The following OLAH variants were observed in gnomAD, a reference collection of about 807,000 sequenced individuals.
The protein encoded by OLAH is S-acyl fatty acid synthase thioesterase, medium chain.
OLAH carries 33 observed loss-of-function variants against 27.8 expected under a neutral mutation model. The observed-to-expected ratio is 1.19, with a 90% CI of 0.90 to 1.59. The LOEUF (loss-of-function observed/expected upper bound fraction) is 1.59, where lower values mean the gene tolerates loss of function less well. OLAH is among the 40% of genes most tolerant of loss of function. The pLI is 0.00. For synonymous variants in OLAH, 120 were observed against 102.9 expected (o/e 1.17, Z -1.01); for missense variants, 359 against 310.8 (o/e 1.16, Z -1.17).
At chr10:15,044,657 G>C (rs917872863) in intron 1 of OLAH, among the ~76,000 whole-genome samples, 7 of 151,828 alleles carry the variant, frequency 4.6e-5, no homozygotes, top group Admixed American at 6.6e-5. Context: ...GTTTTTACTT[G>C]TCTGAAAATG....
intron 2 of OLAH, among the ~76,000 whole-genome samples, chr10:15,047,711 T>A (rs1844049132): frequency 1.3e-5 from 2 of 151,978 alleles, no homozygotes; most frequent in African/African-American, 4.8e-5. Flanking sequence ...TCAAAAAAAA[T>A]AAAAATTAGT....
At chr10:15,041,491 T>C (rs1205128070), upstream of OLAH, among the ~76,000 whole-genome samples, 1 of 152,044 alleles carries the variant, frequency 6.6e-6, no homozygotes, top group African/African-American at 2.4e-5. Flanking sequence ...TTGGTCAGGC[T>C]GGTCTCAAAC....
intron 3 of OLAH, among the ~76,000 whole-genome samples, chr10:15,055,867 G>A (rs1375546836): frequency 1.2e-5 from 1 of 86,558 alleles, no homozygotes; most frequent in African/African-American, 4.7e-5. Flanking sequence ...TTTTTTTTTT[G>A]GAGACAGAGT....
At chr10:15,035,747 C>A (rs893961777) in intron 1 of OLAH, among the ~76,000 whole-genome samples, 7 of 152,160 alleles carry the variant, frequency 4.6e-5, no homozygotes, top group African/African-American at 1.4e-4. Context: ...CATGGGGAAG[C>A]ACAGAGGTAG....
Position 15,061,874 on chromosome 10 carries a change from C to T in OLAH, c.302+12C>T, listed in dbSNP as rs371302185. 5.6e-6 allele frequency: 9 copies of T among 1,610,794 alleles called. No individual in the cohort carries two copies. The highest frequency in any genetic ancestry group is 7.6e-6 in the Non-Finnish European group (9 of 1,178,820). On this transcript the variant is annotated intron_variant, in intron 4 of 7. Transcript: ENST00000378228. ...TTTTTTGGCCACAGGTATTTGATAT[C>T]TGTTTTAAAAGACTTCAGGGGAGTT... is the stretch of plus-strand genomic sequence containing the variant.
chr10:15,039,485 G>C (rs1810762), upstream of OLAH, among the ~76,000 whole-genome samples: 40,489 of 152,122 alleles, frequency 0.27, 6,042 homozygotes, highest in East Asian at 0.5. Context: ...GCTGAGGCAG[G>C]AGAATCACTT....
Position 15,073,297 on chromosome 10 carries a change from C to A in OLAH, c.*68C>A. Reference sequence around the variant, plus strand: ...ACTCTTCTCAGTTATTCAGATATAGCTCAGTTTTATTCAGATTGGAAATTA... The same window carrying A: ...ACTCTTCTCAGTTATTCAGATATAGATCAGTTTTATTCAGATTGGAAATTA... On this transcript the variant is annotated 3_prime_UTR_variant, in exon 8 of 8. Transcript: ENST00000378228. The A allele has an allele frequency of 1.9e-6, 2 of 1,059,966 alleles. No individual in the cohort carries two copies. Among genetic ancestry groups the A allele is most frequent in the South Asian group, 1.5e-5 (1 of 66,078 alleles). The allele number at this position is 1,059,966 out of a possible 1,614,324, so 65.7% of individuals were successfully genotyped here.
In OLAH at chr10:15,057,020, C is replaced by T. The variant is rs562333515; in HGVS notation, c.164-4704C>T. On this transcript the variant is annotated intron_variant, in intron 3 of 7. Coordinates refer to ENST00000378228, the MANE Select transcript of OLAH (RefSeq NM_001039702.3). ...TGTTGAAAATGTCTTCTAGTTTGTG[C>T]CACCTTTCTTTTTAATGTGGTGTCT... is the stretch of plus-strand genomic sequence containing the variant. The T allele has an allele frequency of 2.2e-4, 302 of 1,366,560 alleles. 3 individuals carry two copies. The South Asian group carries it at 5.2e-3, about 24-fold the overall frequency. The allele number at this position is 1,366,560 out of a possible 1,614,324, so 84.7% of individuals were successfully genotyped here.
At chr10:15,035,784 C>T (rs1425513642) in intron 1 of OLAH, among the ~76,000 whole-genome samples, 1 of 152,156 alleles carries the variant, frequency 6.6e-6, no homozygotes, top group Non-Finnish European at 1.5e-5. Context: ...GAAAGGGGAG[C>T]ATGGGCAAAT....
At position 15,045,283 on chromosome 10, in the gene OLAH, A is replaced by G. The variant is rs542363040; in HGVS notation, c.-164+1297A>G. 2.6e-5 allele frequency among the ~76,000 whole-genome samples: 4 copies of G among 152,340 alleles called. No homozygotes were observed. In the South Asian group the frequency reaches 8.3e-4, roughly 32 times the overall value. On this transcript the variant is annotated intron_variant, in intron 1 of 7. Coordinates refer to ENST00000378228, the MANE Select transcript of OLAH (RefSeq NM_001039702.3). ...CAAAACAAGGTTTTTATGTACTTCA[A>G]TTAGAAGGAGTTGGAGTAATTCAAC...
Position 15,071,783 on chromosome 10 carries a change from T to C in OLAH, c.573-12T>C, listed in dbSNP as rs1337484047. On this transcript the variant is annotated splice_polypyrimidine_tract_variant and intron_variant, in intron 6 of 7. Transcript: ENST00000378228. ...TTCAAACAATTACTAACCAGCTCTTTTATGTTTATAGCTCTAACGTACCAT... is the reference window on the plus strand; with the variant it reads ...TTCAAACAATTACTAACCAGCTCTTCTATGTTTATAGCTCTAACGTACCAT... 5 of 1,602,000 alleles carry C rather than the reference T, an allele frequency of 3.1e-6. No individual in the cohort carries two copies. Among genetic ancestry groups the C allele is most frequent in the African/African-American group, 1.3e-5 (1 of 74,524 alleles).
intron 3 of OLAH, among the ~76,000 whole-genome samples, chr10:15,058,621 G>T (rs545028600): frequency 6.6e-6 from 1 of 151,932 alleles, no homozygotes; most frequent in Non-Finnish European, 1.5e-5. Context: ...CTGAGTTTGT[G>T]GGGGGGAAAA....
intron 1 of OLAH, among the ~76,000 whole-genome samples, chr10:15,046,787 T>A (rs1844026878): frequency 6.6e-6 from 1 of 152,186 alleles, no homozygotes; most frequent in African/African-American, 2.4e-5. Context: ...AGCTAAGACA[T>A]CTCTGTTGCC....
chr10:15,066,005 C>G (rs916721663), intron 6 of OLAH, among the ~76,000 whole-genome samples: 2 of 152,124 alleles, frequency 1.3e-5, no homozygotes, highest in Non-Finnish European at 2.9e-5. Context: ...CTTTGGGAGA[C>G]CAAGGCCAGT....
intron 3 of OLAH, among the ~76,000 whole-genome samples, chr10:15,059,435 C>T (rs962379256): frequency 1.3e-5 from 2 of 151,906 alleles, no homozygotes; most frequent in East Asian, 4.0e-4. Flanking sequence ...GCACCTTCAG[C>T]CTCGGCCTCC....
At chr10:15,033,903 A>T (rs61637685) in intron 1 of OLAH, among the ~76,000 whole-genome samples, 19,995 of 152,108 alleles carry the variant, frequency 0.13, 1,438 homozygotes, top group South Asian at 0.26. Context: ...TTAAATTTCA[A>T]CATGAGTTTT....
intron 1 of OLAH, among the ~76,000 whole-genome samples, chr10:15,045,528 T>G (rs1843999345): frequency 6.6e-6 from 1 of 152,180 alleles, no homozygotes; most frequent in African/African-American, 2.4e-5. Context: ...ATGGTGGCTC[T>G]GGCCCAGAAT....
Position 15,061,810 on chromosome 10 carries a change from T to C in OLAH, c.250T>C (p.Cys84Arg). 6.2e-7 allele frequency: 1 copy of C among 1,614,012 alleles called. No individual in the cohort carries two copies. Reference sequence around the variant, plus strand: ...CTCCCAGTTAGTTGATGAAGTTGTTTGTGCTCTGCAGCCAGTCATCCAGGA... The same window carrying C: ...CTCCCAGTTAGTTGATGAAGTTGTTCGTGCTCTGCAGCCAGTCATCCAGGA... ...DISQLVDEVV[C>R]ALQPVIQDKP... The change falls in exon 4 of 8, where the codon TGT becomes CGT. Residue 84 changes from cysteine (C) to arginine (R), a missense_variant. By Grantham distance (180) the Cys-to-Arg change is radical. Coordinates refer to ENST00000378228, the MANE Select transcript of OLAH (RefSeq NM_001039702.3).
At chr10:15,056,335 T>C (rs1485852278) in intron 3 of OLAH, among the ~76,000 whole-genome samples, 1 of 152,170 alleles carries the variant, frequency 6.6e-6, no homozygotes, top group Non-Finnish European at 1.5e-5. Context: ...ATGGAATTTC[T>C]GGGTGGTAGA....
Sources: allele counts gnomAD v4.1 joint callset (sites outside exome capture counted in the v4.1 genomes callset), GRCh38; gene constraint gnomAD v4.1.1; transcripts MANE v1.5; gene names NCBI Gene and HGNC (gene_info 2026-07-23, HGNC 2026-07-21).